RORA: variants seen among roughly 807,000 people sequenced by gnomAD.
The protein encoded by RORA is RAR related orphan receptor A.
RORA carries 7 observed loss-of-function variants against 69.5 expected under a neutral mutation model. The observed-to-expected ratio is 0.10, with a 90% CI of 0.06 to 0.19. The LOEUF (loss-of-function observed/expected upper bound fraction) is 0.19, where lower values mean the gene tolerates loss of function less well. Ranked by LOEUF, RORA falls within the 10% of genes least tolerant of loss-of-function variation. RORA has a pLI of 1.00. For missense variants in RORA, 457 were observed against 663.0 expected (o/e 0.69, Z 3.41); for synonymous variants, 261 against 240.8 (o/e 1.08, Z -0.78).
At chr15:61,144,961 T>C (rs1001852074) in intron 1 of RORA, among the ~76,000 whole-genome samples, 5 of 152,220 alleles carry the variant, frequency 3.3e-5, no homozygotes, top group Admixed American at 3.3e-4. Context: ...TTTTTAAAAA[T>C]ATTAATGGTC....
chr15:60,954,972 G>A (rs1595843840), intron 1 of RORA, among the ~76,000 whole-genome samples: 1 of 152,114 alleles, frequency 6.6e-6, no homozygotes, highest in African/African-American at 2.4e-5. Flanking sequence ...GTGTTGCTTT[G>A]ACTTACCACA....
chr15:61,150,508 C>T (rs527499293), intron 1 of RORA, among the ~76,000 whole-genome samples: 6 of 152,274 alleles, frequency 3.9e-5, no homozygotes, highest in Non-Finnish European at 8.8e-5. Flanking sequence ...AACCCATACT[C>T]AAAAGATAAC....
rs192240288 is a variant in RORA, at chr15:61,061,001, A to G, written c.166+168052T>C. Reference sequence around the variant, plus strand: ...CCTGAATCTAAAAGCAGGTATCCTCAAAGTCCTCACGGCTGAAGAAGGAGC... The same window carrying G: ...CCTGAATCTAAAAGCAGGTATCCTCGAAGTCCTCACGGCTGAAGAAGGAGC... On this transcript the variant is annotated intron_variant, in intron 1 of 10. Coordinates refer to ENST00000335670, the MANE Select transcript of RORA (RefSeq NM_134261.3). This position sits in a 1 kb window ranked among gnomAD's most constrained non-coding sequence, Gnocchi z 4.4. 1.8e-3 allele frequency among the ~76,000 whole-genome samples: 269 copies of G among 152,288 alleles called. No individual in the cohort carries two copies. Among genetic ancestry groups the G allele is most frequent in the Middle Eastern group, 0.01 (3 of 294 alleles).
At chr15:60,563,585 T>C (rs755567652) in intron 2 of RORA, among the ~76,000 whole-genome samples, 12 of 152,298 alleles carry the variant, frequency 7.9e-5, no homozygotes, top group Admixed American at 2.6e-4. Context: ...GTTTCTTCAT[T>C]TGTAGCATGG....
chr15:60,582,683 A>T (rs1270761413), intron 2 of RORA, among the ~76,000 whole-genome samples: 3 of 152,218 alleles, frequency 2.0e-5, no homozygotes, highest in Non-Finnish European at 4.4e-5. Flanking sequence ...GCAATACTTG[A>T]GCTCTACACC....
chr15:60,763,990 C>T (rs548374732), intron 1 of RORA: 1 of 152,104 alleles, frequency 6.6e-6, no homozygotes, highest in Non-Finnish European at 1.5e-5. Flanking sequence ...TTTACTTGCT[C>T]TCACTAGGGA....
intron 2 of RORA, among the ~76,000 whole-genome samples, chr15:60,635,558 C>T (rs1457956137): frequency 6.6e-6 from 1 of 152,132 alleles, no homozygotes; most frequent in Non-Finnish European, 1.5e-5. Flanking sequence ...ATGTTAACTG[C>T]ATTTGACTCT....
chr15:61,210,346 T>C (rs1478449203), intron 1 of RORA, among the ~76,000 whole-genome samples: 1 of 151,982 alleles, frequency 6.6e-6, no homozygotes, highest in Admixed American at 6.6e-5. Context: ...ATACCTAAAA[T>C]GGAAAGAAAA....
intron 1 of RORA, among the ~76,000 whole-genome samples, chr15:60,971,798 G>A (rs1274590808): frequency 2.0e-5 from 3 of 152,210 alleles, no homozygotes; most frequent in Admixed American, 1.3e-4. Context: ...ATGTTTAGGA[G>A]AGATGTGGAT....
rs570363726 is a variant in RORA at position 61,188,973 on chromosome 15, C to T, written c.166+40080G>A. Reference sequence around the variant, plus strand: ...ACCGAGGAAGAAAAAATTGTGTAAGCTCATCAGAACCAAGGGCATTACCAA... The same window carrying T: ...ACCGAGGAAGAAAAAATTGTGTAAGTTCATCAGAACCAAGGGCATTACCAA... On this transcript the variant is annotated intron_variant, in intron 1 of 10. Transcript: ENST00000335670. Among the ~76,000 whole-genome samples the T allele has an allele frequency of 9.0e-4, 137 of 152,284 alleles. 3 individuals carry two copies. The South Asian group carries it at 0.027, about 30-fold the overall frequency.
At chr15:61,033,993 T>C (rs1896321769) in intron 1 of RORA, among the ~76,000 whole-genome samples, 1 of 152,224 alleles carries the variant, frequency 6.6e-6, no homozygotes, top group African/African-American at 2.4e-5. Flanking sequence ...AGCTGCATTA[T>C]CAAACTTAAT....
At chr15:60,504,663 C>T (rs2065441797) in intron 6 of RORA, among the ~76,000 whole-genome samples, 1 of 152,176 alleles carries the variant, frequency 6.6e-6, no homozygotes, top group South Asian at 2.1e-4. Context: ...TCTTGCTTCT[C>T]CTTTGTAGCT....
chr15:61,212,238 G>A (rs1376734078), intron 1 of RORA, among the ~76,000 whole-genome samples: 2 of 122,756 alleles, frequency 1.6e-5, no homozygotes, highest in Non-Finnish European at 3.5e-5. Context: ...GTGTAGAAAG[G>A]GTTGTTTGTT....
chr15:60,614,831 A>C, intron 2 of RORA: 1 of 1,299,822 alleles, frequency 7.7e-7, no homozygotes. Flanking sequence ...ACATGCAGAC[A>C]GACACTGACA....
intron 1 of RORA, among the ~76,000 whole-genome samples, chr15:60,777,212 A>G (rs1171094362): frequency 1.3e-5 from 2 of 152,260 alleles, no homozygotes; most frequent in Non-Finnish European, 2.9e-5. Flanking sequence ...TCTCTAACAA[A>G]GTATATTCCA....
intron 1 of RORA, among the ~76,000 whole-genome samples, chr15:60,880,443 G>A (rs1232407733): frequency 2.0e-5 from 3 of 152,086 alleles, no homozygotes; most frequent in Non-Finnish European, 2.9e-5. Context: ...GATCGAGACC[G>A]TCCGGGCCAA....
intron 1 of RORA, among the ~76,000 whole-genome samples, chr15:60,722,637 T>C (rs1299332095): frequency 6.6e-6 from 1 of 152,150 alleles, no homozygotes; most frequent in African/African-American, 2.4e-5. Flanking sequence ...TCAGCTGACT[T>C]CCCTGGACTT....
chr15:60,501,774 C>T (rs1174246016), intron 8 of RORA, among the ~76,000 whole-genome samples: 1 of 152,100 alleles, frequency 6.6e-6, no homozygotes, highest in Non-Finnish European at 1.5e-5. Context: ...AATCCGTTTT[C>T]CAAAAGACTG....
intron 1 of RORA, among the ~76,000 whole-genome samples, chr15:60,694,167 G>A (rs1023648506): frequency 6.6e-6 from 1 of 152,186 alleles, no homozygotes; most frequent in African/African-American, 2.4e-5. Flanking sequence ...TTGCAGTGAG[G>A]AAATTGAGTG....
Sources: allele counts gnomAD v4.1 joint callset (sites outside exome capture counted in the v4.1 genomes callset), GRCh38; gene constraint gnomAD v4.1.1; non-coding constraint Gnocchi (gnomAD v3.1); transcripts MANE v1.5; gene names NCBI Gene and HGNC (gene_info 2026-07-23, HGNC 2026-07-21).